The following DAP variants were observed in gnomAD, a reference collection of about 807,000 sequenced individuals.
DAP encodes death-associated protein 1.
A neutral mutation model predicts 13.8 loss-of-function variants in DAP; 8 were observed. That is an observed-to-expected ratio of 0.58 (90% CI 0.34 to 1.05). The LOEUF is 1.05. Among genes scored for constraint, DAP ranks in the 50% least tolerant of loss-of-function variants. The pLI is 0.03. For synonymous variants in DAP, 47 were observed against 47.5 expected, an observed-to-expected ratio of 0.99 and a Z score of 0.04; for missense variants, 106 against 133.2, an observed-to-expected ratio of 0.80 and a Z score of 1.01.
At chr5:10,705,273 T>C (rs774568863) in intron 2 of DAP, among the ~76,000 whole-genome samples, 2 of 152,222 alleles carry the variant, frequency 1.3e-5, no homozygotes, top group East Asian at 1.9e-4. Flanking sequence ...TGAGTTGCAA[T>C]TGTGTTCCAT....
intron 2 of DAP, among the ~76,000 whole-genome samples, chr5:10,714,044 G>T (rs1015795655): frequency 7.3e-6 from 1 of 136,366 alleles, no homozygotes; most frequent in African/African-American, 2.7e-5. Context: ...TGAGAGTCAC[G>T]CTGAGATCCA....
intron 2 of DAP, among the ~76,000 whole-genome samples, chr5:10,716,662 C>T (rs1447787120): frequency 6.6e-6 from 1 of 152,218 alleles, no homozygotes; most frequent in African/African-American, 2.4e-5. Flanking sequence ...GACTCCAGGA[C>T]TCCAAGTTCT....
intron 2 of DAP, among the ~76,000 whole-genome samples, chr5:10,728,572 A>C (rs1227785078): frequency 1.3e-5 from 2 of 152,260 alleles, no homozygotes; most frequent in Non-Finnish European, 2.9e-5. Context: ...ACTAATTGAT[A>C]ATTTTACTGA....
rs1390874628 is a variant in DAP, at chr5:10,761,184, G to A, written c.-116C>T. The A allele has an allele frequency of 4.2e-6, 2 of 476,202 alleles. No individual in the cohort carries two copies. The highest frequency in any genetic ancestry group is 2.1e-5 in the African/African-American group (1 of 47,306). 29.5% of individuals were successfully genotyped at this position (476,202 alleles called of 1,614,324 possible). The stretch of plus-strand genomic sequence containing the variant: ...GAGCGAGCGGGCGGGAGAACGACGC[G>A]CGCGCGTGGGGCGCCGGGGCCGCGC... On this transcript the variant is annotated 5_prime_UTR_variant, in exon 1 of 4. Transcript: ENST00000230895.
intron 2 of DAP, among the ~76,000 whole-genome samples, chr5:10,683,808 A>T (rs892723736): frequency 3.3e-5 from 5 of 152,142 alleles, no homozygotes; most frequent in Non-Finnish European, 5.9e-5. Context: ...GCCAACTGCG[A>T]GTGAATTGCC....
chr5:10,746,322 GTTTTTTTTTTGTT>G (rs372389333), intron 2 of DAP, among the ~76,000 whole-genome samples: 1 of 138,552 alleles, frequency 7.2e-6, no homozygotes, highest in African/African-American at 2.7e-5. Context: ...TAATTCTAGC[GTTTTTTTTTTGTT>G]TTTTTTTTTT....
At chr5:10,751,815 A>G (rs959295441) in intron 1 of DAP, among the ~76,000 whole-genome samples, 1 of 152,202 alleles carries the variant, frequency 6.6e-6, no homozygotes, top group African/African-American at 2.4e-5. Flanking sequence ...AGCCCAGGAG[A>G]GAGGTCTCAG....
chr5:10,749,742 A>AT (rs1739999758), intron 1 of DAP, among the ~76,000 whole-genome samples: 1 of 121,128 alleles, frequency 8.3e-6, no homozygotes, highest in African/African-American at 2.9e-5. Context: ...TGACCACACA[A>AT]CTTTTTTTTT....
intron 1 of DAP, among the ~76,000 whole-genome samples, chr5:10,760,397 AG>A (rs1740311674): frequency 6.6e-6 from 1 of 152,186 alleles, no homozygotes; most frequent in Admixed American, 6.5e-5. Context: ...CTATGTTCTA[AG>A]AAAGACCGCT....
chr5:10,717,476 G>C (rs760868829), intron 2 of DAP, among the ~76,000 whole-genome samples: 52 of 152,208 alleles, frequency 3.4e-4, no homozygotes, highest in Non-Finnish European at 6.9e-4. Flanking sequence ...AAACTCTGAT[G>C]AACCATTTTT....
rs371163359 is a variant in DAP at position 10,679,415 on chromosome 5, G to C, written c.*1641C>G. ...ACAGCCCTCCCTCTGGCTGAAGACT[G>C]AGAAGCATTAAGGATGCTTCTGGAT... is the stretch of plus-strand genomic sequence containing the variant. On this transcript the variant is annotated 3_prime_UTR_variant, in exon 4 of 4. Coordinates refer to ENST00000230895, the MANE Select transcript of DAP (RefSeq NM_004394.3). 6.6e-6 allele frequency: 1 copy of C among 152,406 alleles called. No individual in the cohort carries two copies. The highest frequency in any genetic ancestry group is 1.5e-5 in the Non-Finnish European group (1 of 68,064). The allele number at this position is 152,406 out of a possible 1,614,324, so 9.4% of individuals were successfully genotyped here.
intron 2 of DAP, among the ~76,000 whole-genome samples, chr5:10,735,544 T>C (rs542448186): frequency 1.3e-5 from 2 of 152,360 alleles, no homozygotes; most frequent in South Asian, 2.1e-4. Context: ...ATAACTTATA[T>C]AGTGGTAATG....
At chr5:10,725,958 T>C (rs1420522571) in intron 2 of DAP, among the ~76,000 whole-genome samples, 6 of 152,230 alleles carry the variant, frequency 3.9e-5, no homozygotes, top group African/African-American at 1.4e-4. Context: ...TAAAGGTAGC[T>C]GTATTTGCTG....
intron 2 of DAP, among the ~76,000 whole-genome samples, chr5:10,735,813 A>G (rs1318767535): frequency 6.6e-6 from 1 of 152,210 alleles, no homozygotes; most frequent in East Asian, 1.9e-4. Flanking sequence ...TGGAATGCCA[A>G]CAGAGCCAGG....
At chr5:10,735,420 T>C (rs566215172) in intron 2 of DAP, among the ~76,000 whole-genome samples, 2 of 152,350 alleles carry the variant, frequency 1.3e-5, no homozygotes, top group East Asian at 1.9e-4. Context: ...CAAGGGTATC[T>C]GGACCTTGAG....
intron 2 of DAP, among the ~76,000 whole-genome samples, chr5:10,709,724 C>G (rs1447211544): frequency 6.6e-6 from 1 of 152,200 alleles, no homozygotes; most frequent in South Asian, 2.1e-4. Context: ...CTCTGCTGCA[C>G]AGCAGGGCTC....
intron 2 of DAP, among the ~76,000 whole-genome samples, chr5:10,693,088 G>A (rs888035770): frequency 4.0e-5 from 6 of 151,444 alleles, no homozygotes; most frequent in Non-Finnish European, 8.8e-5. Context: ...TAGTTACCAC[G>A]AAGGTGAATT....
intron 2 of DAP, among the ~76,000 whole-genome samples, chr5:10,712,303 T>A (rs1180683219): frequency 6.6e-6 from 1 of 150,766 alleles, no homozygotes; most frequent in African/African-American, 2.5e-5. Flanking sequence ...ACCCAGTCTG[T>A]GGCACTTTGT....
intron 2 of DAP, among the ~76,000 whole-genome samples, chr5:10,685,161 C>A (rs1738125089): frequency 6.6e-6 from 1 of 151,482 alleles, no homozygotes; most frequent in East Asian, 1.9e-4. Flanking sequence ...CAAGTAATTT[C>A]TGTTACTTCG....
Sources: gnomAD v4.1 joint callset for allele counts (sites outside exome capture counted in the v4.1 genomes callset) on GRCh38, gnomAD v4.1.1 for gene constraint, MANE v1.5 for transcripts, NCBI Gene and HGNC (gene_info 2026-07-23, HGNC 2026-07-21) for gene names.